The following SERPINB11 variants were observed in gnomAD, a reference collection of about 807,000 sequenced individuals.
SERPINB11 encodes serpin family B member 11, also known as serpin B11.
A neutral mutation model predicts 36.7 loss-of-function variants in SERPINB11; 32 were observed. That is an observed-to-expected ratio of 0.87 (90% CI 0.66 to 1.17). The LOEUF (loss-of-function observed/expected upper bound fraction) is 1.17. SERPINB11 is among the 50% of genes most tolerant of loss of function. The probability of loss-of-function intolerance (pLI) is 0.00; values close to 1 mark genes in which losing one functional copy is unlikely to be tolerated. For synonymous variants in SERPINB11, 174 were observed against 168.1 expected, an observed-to-expected ratio of 1.04 and a Z score of -0.27; for missense variants, 528 against 458.4, an observed-to-expected ratio of 1.15 and a Z score of -1.39.
chr18:63,717,026 C>T (rs1914686482), intron 5 of SERPINB11, among the ~76,000 whole-genome samples: 1 of 152,022 alleles, frequency 6.6e-6, no homozygotes, highest in Non-Finnish European at 1.5e-5. Flanking sequence ...CTGCAAGGTC[C>T]CCCTTAAATC....
Position 63,720,006 on chromosome 18 carries a change from A to G in SERPINB11, c.476-7A>G. 5 of 1,588,776 alleles carry G rather than the reference A, an allele frequency of 3.1e-6. No individual in the cohort carries two copies. The highest frequency in any genetic ancestry group is 4.3e-6 in the Non-Finnish European group (5 of 1,169,746). ...TCCAAATATAATTATCTTATTTTTT[A>G]TACAAGGAAAAGTCGCAAATCTCTT... On this transcript the variant is annotated splice_region_variant and splice_polypyrimidine_tract_variant and intron_variant, in intron 5 of 7. Transcript: ENST00000544088.
At position 63,723,449 on chromosome 18, in the gene SERPINB11, A is replaced by G. The variant is rs761148417; in HGVS notation, c.*50A>G. The G allele has an allele frequency of 2.0e-6, 3 of 1,510,618 alleles. No individual in the cohort carries two copies. The highest frequency in any genetic ancestry group is 2.3e-5 in the East Asian group (1 of 43,878). 93.6% of individuals were successfully genotyped at this position (1,510,618 alleles called of 1,614,324 possible). Reference sequence around the variant, plus strand: ...GAGTTGCAGATGAGGTGCAGAGACAATCCTGTGACTTTCCCACGGCCAAAA... The same window carrying G: ...GAGTTGCAGATGAGGTGCAGAGACAGTCCTGTGACTTTCCCACGGCCAAAA... On this transcript the variant is annotated 3_prime_UTR_variant, in exon 8 of 8. Transcript: ENST00000544088.
At chr18:63,709,467 C>G (rs930117211) in intron 1 of SERPINB11, among the ~76,000 whole-genome samples, 6 of 151,864 alleles carry the variant, frequency 4.0e-5, no homozygotes, top group Admixed American at 1.3e-4. Flanking sequence ...AAAAGTTAGC[C>G]GGGCGTGGTG....
chr18:63,713,630 A>G (rs2144539908), intron 4 of SERPINB11, among the ~76,000 whole-genome samples: 1 of 152,326 alleles, frequency 6.6e-6, no homozygotes, highest in Middle Eastern at 3.4e-3. Context: ...TGGGGTAGGT[A>G]TTATAGACAT....
chr18:63,709,394 G>A (rs1361892467), intron 1 of SERPINB11, among the ~76,000 whole-genome samples: 9 of 152,074 alleles, frequency 5.9e-5, no homozygotes, highest in Non-Finnish European at 1.0e-4. Context: ...GGTGGATCAC[G>A]AGGTCAGGAG....
At chr18:63,722,626 T>C (rs571720645) in intron 7 of SERPINB11, among the ~76,000 whole-genome samples, 2 of 152,228 alleles carry the variant, frequency 1.3e-5, no homozygotes, top group Admixed American at 1.3e-4. Flanking sequence ...AAGGAGGGTA[T>C]CATGAAATGT....
chr18:63,715,365 C>T (rs1321464946), intron 4 of SERPINB11, among the ~76,000 whole-genome samples: 2 of 152,148 alleles, frequency 1.3e-5, no homozygotes, highest in East Asian at 3.9e-4. Flanking sequence ...GAATGCTACA[C>T]AGGAGGGCCT....
At chr18:63,721,041 C>T (rs935838442) in intron 7 of SERPINB11, 55 bp downstream of exon 7, 11 of 1,397,942 alleles carry the variant, frequency 7.9e-6, no homozygotes, top group South Asian at 3.7e-5. Context: ...TGTTAACACA[C>T]ACACACACAG....
At chr18:63,712,825 T>C in intron 4 of SERPINB11, 132 bp downstream of exon 4, 1 of 1,027,176 alleles carries the variant, frequency 9.7e-7, no homozygotes, top group Non-Finnish European at 1.4e-6. Flanking sequence ...TAACTTACAG[T>C]TTCAGTGAAA....
At chr18:63,708,097 T>C (rs561860090) in intron 1 of SERPINB11, among the ~76,000 whole-genome samples, 1 of 152,214 alleles carries the variant, frequency 6.6e-6, no homozygotes, top group Admixed American at 6.5e-5. Flanking sequence ...GTACTTGTTA[T>C]GTTGAAGGTA....
chr18:63,723,448 A>G lies in SERPINB11; in HGVS notation c.*49A>G, dbSNP rs750827335. On this transcript the variant is annotated 3_prime_UTR_variant, in exon 8 of 8. Coordinates refer to ENST00000544088, the MANE Select transcript of SERPINB11 (RefSeq NM_001370475.1). ...AGAGTTGCAGATGAGGTGCAGAGAC[A>G]ATCCTGTGACTTTCCCACGGCCAAA... 1 of 1,515,610 alleles carries G rather than the reference A, an allele frequency of 6.6e-7. No homozygotes were observed. Among genetic ancestry groups the G allele is most frequent in the Non-Finnish European group, 8.9e-7 (1 of 1,124,876 alleles). The allele number at this position is 1,515,610 out of a possible 1,614,324, so 93.9% of individuals were successfully genotyped here.
chr18:63,713,836 C>A (rs1234784312), intron 4 of SERPINB11, among the ~76,000 whole-genome samples: 1 of 152,064 alleles, frequency 6.6e-6, no homozygotes, highest in Non-Finnish European at 1.5e-5. Context: ...GACATCTGTT[C>A]CAGAAGTGAG....
intron 4 of SERPINB11, among the ~76,000 whole-genome samples, chr18:63,715,831 A>G (rs1474857268): frequency 6.6e-6 from 1 of 152,242 alleles, no homozygotes; most frequent in Non-Finnish European, 1.5e-5. Context: ...ACATTTCTGA[A>G]CATTCCTTTT....
chr18:63,710,000 C>G (rs1396408983), intron 1 of SERPINB11, among the ~76,000 whole-genome samples, 179 bp from the exon 2 acceptor site: 1 of 152,148 alleles, frequency 6.6e-6, no homozygotes, highest in Non-Finnish European at 1.5e-5. Flanking sequence ...GAATGTAAAA[C>G]TAATGTGAAT....
chr18:63,715,352 C>G (rs192352689), intron 4 of SERPINB11, among the ~76,000 whole-genome samples: 47 of 152,108 alleles, frequency 3.1e-4, no homozygotes, highest in African/African-American at 1.0e-3. Context: ...AATTGTTGCT[C>G]CAGAATGCTA....
At chr18:63,718,472 T>C (rs2020156718) in intron 5 of SERPINB11, among the ~76,000 whole-genome samples, 1 of 152,024 alleles carries the variant, frequency 6.6e-6, no homozygotes, top group Non-Finnish European at 1.5e-5. Context: ...CATTTTGTAT[T>C]TTCCTATGTT....
intron 1 of SERPINB11, among the ~76,000 whole-genome samples, chr18:63,707,248 A>G (rs1232177285): frequency 6.6e-6 from 1 of 152,226 alleles, no homozygotes; most frequent in East Asian, 1.9e-4. Context: ...TGGGCAACCA[A>G]CATTTTTTAA....
chr18:63,720,814 C>T lies in SERPINB11; in HGVS notation c.619-17C>T. 6.5e-7 allele frequency: 1 copy of T among 1,531,242 alleles called. No individual in the cohort carries two copies. 94.9% of individuals were successfully genotyped at this position (1,531,242 alleles called of 1,614,324 possible). A position where few individuals can be genotyped will look rare whatever the true frequency, so the allele number is the denominator to read the frequency against. ...CTCACATATGTAAGTATACTATAAT[C>T]TTTTTCTTCTTAACAGGGTAAAAAT... On this transcript the variant is annotated splice_polypyrimidine_tract_variant and intron_variant, in intron 6 of 7. Coordinates refer to ENST00000544088, the MANE Select transcript of SERPINB11 (RefSeq NM_001370475.1).
intron 5 of SERPINB11, 35 bp downstream of exon 5, chr18:63,716,187 T>C (rs1486923229): frequency 2.2e-6 from 3 of 1,394,684 alleles, no homozygotes; most frequent in East Asian, 2.4e-5. Context: ...CTAAACTCTG[T>C]GTTGTGTTGA....
Sources: allele counts gnomAD v4.1 joint callset (sites outside exome capture counted in the v4.1 genomes callset), GRCh38; gene constraint gnomAD v4.1.1; transcripts MANE v1.5; gene names NCBI Gene and HGNC (gene_info 2026-07-23, HGNC 2026-07-21).